The following SPG11 variants were observed in gnomAD, a reference collection of about 807,000 sequenced individuals.
SPG11 encodes the protein SPG11 vesicle trafficking associated, spatacsin, also known as spatacsin.
In SPG11, 222 loss-of-function variants were observed where a neutral mutation model predicts 274.0. The ratio of observed to expected loss-of-function variants is 0.81; its 90% CI spans 0.73 to 0.91. SPG11 has a LOEUF of 0.91. Ranked by LOEUF, SPG11 falls within the 40% of genes least tolerant of loss-of-function variation. The probability of loss-of-function intolerance (pLI) is 0.00; values close to 1 mark genes in which losing one functional copy is unlikely to be tolerated. For synonymous variants in SPG11, 1,144 were observed against 1,039.7 expected, an observed-to-expected ratio of 1.10 and a Z score of -1.93; for missense variants, 3,114 against 2,872.7, an observed-to-expected ratio of 1.08 and a Z score of -1.92.
At chr15:44,649,406 A>T (rs1454488417) in intron 6 of SPG11, among the ~76,000 whole-genome samples, 1 of 152,082 alleles carries the variant, frequency 6.6e-6, no homozygotes, top group African/African-American at 2.4e-5. Context: ...AAATTTTTAA[A>T]TTGTTTTGTA....
At chr15:44,582,560 A>G (rs929735098) in intron 30 of SPG11, among the ~76,000 whole-genome samples, 1 of 152,218 alleles carries the variant, frequency 6.6e-6, no homozygotes, top group Non-Finnish European at 1.5e-5. Flanking sequence ...AAACAAAAAC[A>G]GTACAATAAA....
chr15:44,645,506 A>T (rs553325678), intron 7 of SPG11, among the ~76,000 whole-genome samples: 1 of 152,358 alleles, frequency 6.6e-6, no homozygotes, highest in South Asian at 2.1e-4. Context: ...ACCTAAAACT[A>T]TAAAAACCCT....
rs777817631 is a variant in SPG11 at position 44,570,673 on chromosome 15, A to C, written c.6344-15T>G. ...GAGCTCTGTGGCTGGGAGGGTGGGC[A>C]CTGGTAAGATAAGATTATGAACCCT... is the stretch of plus-strand genomic sequence containing the variant. On this transcript the variant is annotated splice_polypyrimidine_tract_variant and intron_variant, in intron 33 of 39. Coordinates refer to ENST00000261866, the MANE Select transcript of SPG11 (RefSeq NM_025137.4). 10 of 1,613,052 alleles carry C rather than the reference A, an allele frequency of 6.2e-6. No individual in the cohort carries two copies. The South Asian group carries it at 9.9e-5, about 16-fold the overall frequency.
At chr15:44,633,814 G>A (rs1425711008) in intron 7 of SPG11, among the ~76,000 whole-genome samples, 177 bp from the exon 8 acceptor site, 1 of 151,956 alleles carries the variant, frequency 6.6e-6, no homozygotes, top group Non-Finnish European at 1.5e-5. Flanking sequence ...TGCAATCTGG[G>A]GCAAGACTCT....
intron 30 of SPG11, among the ~76,000 whole-genome samples, chr15:44,578,030 T>C (rs1255636490): frequency 6.9e-6 from 1 of 144,718 alleles, no homozygotes; most frequent in Admixed American, 6.9e-5. Flanking sequence ...TTTTTTTTTT[T>C]TTTTTTTTTT....
At chr15:44,629,566 AATT>A (rs1455021557) in intron 8 of SPG11, among the ~76,000 whole-genome samples, 178 bp from the exon 9 acceptor site, 2 of 152,180 alleles carry the variant, frequency 1.3e-5, no homozygotes, top group East Asian at 3.8e-4. Flanking sequence ...TAATGATTCT[AATT>A]ATTAATAGTT....
At chr15:44,658,096 T>C (rs1344887837) in intron 3 of SPG11, among the ~76,000 whole-genome samples, 1 of 152,262 alleles carries the variant, frequency 6.6e-6, no homozygotes, top group Non-Finnish European at 1.5e-5. Flanking sequence ...CAATTTCATA[T>C]GCTTAATAGC....
chr15:44,627,884 C>T (rs977320429), intron 10 of SPG11, among the ~76,000 whole-genome samples: 41 of 152,244 alleles, frequency 2.7e-4, no homozygotes, highest in African/African-American at 7.5e-4. Context: ...CCACCGTACC[C>T]GGATAATTTC....
chr15:44,566,897 T>G (rs2082320978), intron 36 of SPG11, among the ~76,000 whole-genome samples: 1 of 152,030 alleles, frequency 6.6e-6, no homozygotes, highest in Non-Finnish European at 1.5e-5. Flanking sequence ...GAGACAGGAT[T>G]GCACCATGTT....
intron 28 of SPG11, chr15:44,588,724 C>A: frequency 2.7e-6 from 1 of 375,464 alleles, no homozygotes; most frequent in Non-Finnish European, 5.5e-6. Flanking sequence ...GTCCTAAGAC[C>A]AACCTTTGAT....
intron 7 of SPG11, among the ~76,000 whole-genome samples, chr15:44,640,992 T>G (rs967016108): frequency 2.6e-5 from 4 of 152,350 alleles, no homozygotes; most frequent in Non-Finnish European, 5.9e-5. Flanking sequence ...CCTCCCAAAG[T>G]GCTGGGATTA....
chr15:44,613,669 C>G (rs892163854), intron 16 of SPG11, 133 bp from the exon 17 acceptor site: 2 of 622,774 alleles, frequency 3.2e-6, no homozygotes, highest in Non-Finnish European at 5.8e-6. Flanking sequence ...ACACAAAATA[C>G]TCCCACTCTT....
chr15:44,577,310 C>T (rs141851530), intron 30 of SPG11, among the ~76,000 whole-genome samples: 52 of 152,018 alleles, frequency 3.4e-4, no homozygotes, highest in South Asian at 1.7e-3. Context: ...TGAGGCCAGC[C>T]TGGGCAACAC....
intron 4 of SPG11, among the ~76,000 whole-genome samples, chr15:44,653,368 T>C (rs1188520826): frequency 6.6e-6 from 1 of 152,076 alleles, no homozygotes; most frequent in Non-Finnish European, 1.5e-5. Context: ...CCCAGGATGA[T>C]GATGAAAAGA....
In SPG11 at chr15:44,660,469, C is replaced by T. The variant is rs773146615; in HGVS notation, c.405G>A (p.Arg135=). ...CDATILYSCS[R]EALQKLIDDQ... ...CGTCAATGAGCTTTTGCAATGCCTC[C>T]CTACTACAGCTATACAAAATGGTTG... The change falls in exon 2 of 40, where the codon AGG becomes AGA. Residue 135 remains arginine, a synonymous_variant. Coordinates refer to ENST00000261866, the MANE Select transcript of SPG11 (RefSeq NM_025137.4). The T allele has an allele frequency of 1.2e-6, 2 of 1,614,036 alleles. No homozygotes were observed. The highest frequency in any genetic ancestry group is 1.1e-5 in the South Asian group (1 of 91,084).
chr15:44,566,456 A>C, intron 36 of SPG11, 151 bp from the exon 37 acceptor site: 1 of 765,366 alleles, frequency 1.3e-6, no homozygotes, highest in Non-Finnish European at 2.3e-6. Flanking sequence ...TTATTGGGCC[A>C]GAAATGCATA....
At chr15:44,622,614 T>C in intron 12 of SPG11, 114 bp downstream of exon 12, 1 of 900,976 alleles carries the variant, frequency 1.1e-6, no homozygotes. Flanking sequence ...TTTTACTTAT[T>C]AGATATTAGT....
chr15:44,584,821 G>T lies in SPG11; in HGVS notation c.5122-263C>A, dbSNP rs560162462. Reference sequence around the variant, plus strand: ...ATTTTTAATTTTTTGTAGAGACAGGGTCTCCCTATGTTGCCCAGGCTGGTC... The same window carrying T: ...ATTTTTAATTTTTTGTAGAGACAGGTTCTCCCTATGTTGCCCAGGCTGGTC... On this transcript the variant is annotated intron_variant, in intron 29 of 39. Transcript: ENST00000261866. 7.9e-5 allele frequency among the ~76,000 whole-genome samples: 12 copies of T among 152,204 alleles called. No homozygotes were observed. The South Asian group carries it at 2.5e-3, about 32-fold the overall frequency.
At chr15:44,613,159 G>A (rs1466944611) in intron 17 of SPG11, among the ~76,000 whole-genome samples, 1 of 152,170 alleles carries the variant, frequency 6.6e-6, no homozygotes, top group African/African-American at 2.4e-5. Flanking sequence ...ACAAACTGGT[G>A]GGATAAGGGA....
Sources: allele counts gnomAD v4.1 joint callset (sites outside exome capture counted in the v4.1 genomes callset), GRCh38; gene constraint gnomAD v4.1.1; transcripts MANE v1.5; gene names NCBI Gene and HGNC (gene_info 2026-07-23, HGNC 2026-07-21).